Variants in SNTG1 observed in about 807,000 individuals in gnomAD.
SNTG1 encodes the protein gamma-1-syntrophin.
In SNTG1, 39 loss-of-function variants were observed where a neutral mutation model predicts 74.7. The ratio of observed to expected loss-of-function variants is 0.52; its 90% CI spans 0.40 to 0.68. The LOEUF (loss-of-function observed/expected upper bound fraction) is 0.68. Among genes scored for constraint, SNTG1 ranks in the 30% least tolerant of loss-of-function variants. The pLI, the probability that SNTG1 is intolerant of heterozygous loss-of-function variation, is 0.00. For synonymous variants in SNTG1, 254 were observed against 217.1 expected (o/e 1.17, Z -1.49); for missense variants, 685 against 609.5 (o/e 1.12, Z -1.30).
chr8:50,663,898 C>A (rs2095237828), intron 15 of SNTG1, among the ~76,000 whole-genome samples: 1 of 152,166 alleles, frequency 6.6e-6, no homozygotes. Context: ...TTGCTCTTAT[C>A]TAATACTAAG....
chr8:49,928,744 C>T (rs903022126), intron 1 of SNTG1, among the ~76,000 whole-genome samples: 1 of 151,842 alleles, frequency 6.6e-6, no homozygotes, highest in African/African-American at 2.4e-5. Flanking sequence ...TTAAGAAATA[C>T]TTTTCCCCAG....
chr8:50,202,739 G>T (rs749281589), intron 2 of SNTG1, among the ~76,000 whole-genome samples: 8 of 150,820 alleles, frequency 5.3e-5, no homozygotes, highest in Non-Finnish European at 7.4e-5. Flanking sequence ...TCTTCTAAAG[G>T]TAAGCATTCC....
intron 2 of SNTG1, among the ~76,000 whole-genome samples, chr8:50,186,082 G>A (rs1474360563): frequency 6.6e-6 from 1 of 152,134 alleles, no homozygotes; most frequent in Non-Finnish European, 1.5e-5. Flanking sequence ...CCACTTAGGA[G>A]TGAGAACATG....
At chr8:50,273,655 TC>T (rs2087914220) in intron 2 of SNTG1, among the ~76,000 whole-genome samples, 1 of 152,198 alleles carries the variant, frequency 6.6e-6, no homozygotes, top group Admixed American at 6.5e-5. Flanking sequence ...AGTGTAGGCC[TC>T]CTGGGGCTGG....
At chr8:50,026,613 AT>A (rs1797956025) in intron 1 of SNTG1, among the ~76,000 whole-genome samples, 1 of 152,150 alleles carries the variant, frequency 6.6e-6, no homozygotes, top group African/African-American at 2.4e-5. Context: ...CCAACCATAC[AT>A]TTAAAAATAG....
chr8:50,581,745 T>C (rs1368371455), intron 12 of SNTG1, among the ~76,000 whole-genome samples: 1 of 152,170 alleles, frequency 6.6e-6, no homozygotes, highest in African/African-American at 2.4e-5. Flanking sequence ...ATTACATAAG[T>C]TGCTTAGAAA....
intron 1 of SNTG1, among the ~76,000 whole-genome samples, chr8:50,077,860 T>C (rs1262740722): frequency 2.6e-5 from 4 of 152,140 alleles, no homozygotes; most frequent in African/African-American, 7.2e-5. Context: ...ATGCATATGT[T>C]TTAAAGTTTT....
Position 50,472,505 on chromosome 8 carries a change from C to T in SNTG1, c.363+21776C>T, listed in dbSNP as rs147011529. 2.8e-3 allele frequency among the ~76,000 whole-genome samples: 425 copies of T among 152,030 alleles called. 3 individuals are homozygous for T. Among genetic ancestry groups the T allele is most frequent in the African/African-American group, 9.9e-3 (409 of 41,506 alleles). Reference sequence around the variant, plus strand: ...ATTAAACTGGACCATTGCATCATACCATATAAAAATTAACTCAAAATGGAT... The same window carrying T: ...ATTAAACTGGACCATTGCATCATACTATATAAAAATTAACTCAAAATGGAT... On this transcript the variant is annotated intron_variant, in intron 8 of 18. Coordinates refer to ENST00000642720, the MANE Select transcript of SNTG1 (RefSeq NM_018967.5).
chr8:50,228,985 G>A (rs896174009), intron 2 of SNTG1, among the ~76,000 whole-genome samples: 5 of 151,686 alleles, frequency 3.3e-5, no homozygotes, highest in African/African-American at 1.2e-4. Flanking sequence ...TGATTTCAAT[G>A]TCATAAGAGG....
intron 1 of SNTG1, among the ~76,000 whole-genome samples, chr8:50,098,657 G>A (rs183315223): frequency 6.6e-6 from 1 of 152,228 alleles, no homozygotes; most frequent in Non-Finnish European, 1.5e-5. Context: ...GAAAGCATGG[G>A]TTTAGAATTT....
At chr8:50,053,155 T>C (rs1316815974) in intron 1 of SNTG1, among the ~76,000 whole-genome samples, 1 of 152,102 alleles carries the variant, frequency 6.6e-6, no homozygotes, top group Non-Finnish European at 1.5e-5. Context: ...TTACGCACCA[T>C]AGTTACAAAG....
In SNTG1 at chr8:50,141,971, A is replaced by G. The variant is rs530520793; in HGVS notation, c.-102-30590A>G. 5.3e-5 allele frequency among the ~76,000 whole-genome samples: 8 copies of G among 152,288 alleles called. No homozygotes were observed. The South Asian group carries it at 1.4e-3, about 28-fold the overall frequency. ...AACTATTACACACACACTCACACATAGATACAAATTATTTATATTGACACC... is the reference window on the plus strand; with the variant it reads ...AACTATTACACACACACTCACACATGGATACAAATTATTTATATTGACACC... On this transcript the variant is annotated intron_variant, in intron 1 of 18. Coordinates refer to ENST00000642720, the MANE Select transcript of SNTG1 (RefSeq NM_018967.5).
chr8:49,944,547 G>A (rs4472529), intron 1 of SNTG1, among the ~76,000 whole-genome samples: 1 of 126,724 alleles, frequency 7.9e-6, no homozygotes, highest in African/African-American at 3.0e-5. Flanking sequence ...ATGGACACAG[G>A]AAGGGGAACA....
intron 13 of SNTG1, among the ~76,000 whole-genome samples, chr8:50,652,949 T>C (rs1266489026): frequency 3.3e-5 from 5 of 152,144 alleles, no homozygotes; most frequent in Admixed American, 3.3e-4. Flanking sequence ...ATGTTTGCCT[T>C]AGATCTACGT....
chr8:50,108,568 A>T, intron 1 of SNTG1, among the ~76,000 whole-genome samples: 1 of 152,098 alleles, frequency 6.6e-6, no homozygotes, highest in Admixed American at 6.6e-5. Context: ...GAAGGGAAAA[A>T]CCCCCACAAA....
At chr8:50,259,729 T>C (rs1248526192) in intron 2 of SNTG1, among the ~76,000 whole-genome samples, 1 of 151,960 alleles carries the variant, frequency 6.6e-6, no homozygotes, top group East Asian at 1.9e-4. Context: ...AAGAAAAAGC[T>C]GAACAAACTG....
intron 1 of SNTG1, among the ~76,000 whole-genome samples, chr8:49,930,211 A>C (rs947927235): frequency 6.6e-6 from 1 of 152,030 alleles, no homozygotes; most frequent in African/African-American, 2.4e-5. Flanking sequence ...ACATAACAAG[A>C]GATAGTATGA....
intron 2 of SNTG1, among the ~76,000 whole-genome samples, chr8:50,221,754 C>A (rs1169046981): frequency 6.6e-6 from 1 of 152,064 alleles, no homozygotes; most frequent in African/African-American, 2.4e-5. Flanking sequence ...GTATAGTGGG[C>A]ATATCAGGGA....
chr8:50,308,482 T>A (rs2089985718), intron 2 of SNTG1, among the ~76,000 whole-genome samples: 1 of 152,050 alleles, frequency 6.6e-6, no homozygotes, highest in South Asian at 2.1e-4. Flanking sequence ...TTGTTGTAGA[T>A]GTTGCCCATA....
Sources: allele counts gnomAD v4.1 joint callset (sites outside exome capture counted in the v4.1 genomes callset), GRCh38; gene constraint gnomAD v4.1.1; transcripts MANE v1.5; gene names NCBI Gene and HGNC (gene_info 2026-07-23, HGNC 2026-07-21).